The following GPX5 variants were observed in gnomAD, a reference collection of about 807,000 sequenced individuals.
GPX5 encodes glutathione peroxidase 5, also known as epididymal secretory glutathione peroxidase.
A neutral mutation model predicts 23.8 loss-of-function variants in GPX5; 20 were observed. That is an observed-to-expected ratio of 0.84 (90% CI 0.59 to 1.22). The LOEUF (loss-of-function observed/expected upper bound fraction) is 1.22, where lower values mean the gene tolerates loss of function less well. GPX5 is among the 50% of genes most tolerant of loss of function. The probability of loss-of-function intolerance (pLI) is 0.00; values close to 1 mark genes in which losing one functional copy is unlikely to be tolerated. For missense variants in GPX5, 230 were observed against 266.6 expected (o/e 0.86, Z 0.96); for synonymous variants, 92 against 99.5 (o/e 0.92, Z 0.45).
At chr6:28,529,401 AT>A (rs763233671) in intron 1 of GPX5, 49 bp from the exon 2 acceptor site, 1 of 1,438,466 alleles carries the variant, frequency 7.0e-7, no homozygotes, top group Non-Finnish European at 9.5e-7. Context: ...GATTACACAG[AT>A]GCCAGGAATT....
At chr6:28,533,840 G>T in intron 4 of GPX5, 121 bp from the exon 5 acceptor site, 1 of 574,780 alleles carries the variant, frequency 1.7e-6, no homozygotes. Flanking sequence ...AGTTTTTTAG[G>T]AATATCAGGA....
intron 4 of GPX5, among the ~76,000 whole-genome samples, chr6:28,533,046 C>T (rs868068900): frequency 7.2e-5 from 11 of 152,038 alleles, no homozygotes; most frequent in African/African-American, 1.4e-4. Context: ...GCTTGAGCTC[C>T]GGAGCTGGAG....
intron 4 of GPX5, among the ~76,000 whole-genome samples, chr6:28,532,622 G>C (rs1763349800): frequency 6.6e-6 from 1 of 152,114 alleles, no homozygotes; most frequent in Admixed American, 6.5e-5. Flanking sequence ...AACTCTGTGT[G>C]GTGAAGAAAG....
chr6:28,527,344 A>G (rs1022146143), intron 1 of GPX5, among the ~76,000 whole-genome samples: 3 of 152,248 alleles, frequency 2.0e-5, no homozygotes, highest in African/African-American at 7.2e-5. Context: ...TATTCTCTTT[A>G]TAGATCCCTC....
chr6:28,527,953 T>C (rs989178693), intron 1 of GPX5: 9 of 152,238 alleles, frequency 5.9e-5, no homozygotes, highest in African/African-American at 2.2e-4. Context: ...GGCTAATTTA[T>C]ATTAAGTGGA....
chr6:28,526,064 C>G lies in GPX5; in HGVS notation c.51C>G (p.Cys17Trp). Residue 17 changes from cysteine (C) to tryptophan (W), a missense_variant, in exon 1 of 5, where the codon TGC becomes TGG. Transcript: ENST00000412168. ...ATCTGCTTCCCCTTCTCCTAGCCTG[C>G]TTTGTGCAAACAAGTCCCAAGCAGG... ...VVHLLPLLLA[C>W]FVQTSPKQEK... 2 of 1,613,062 alleles carry G rather than the reference C, an allele frequency of 1.2e-6. No homozygotes were observed. Among genetic ancestry groups the G allele is most frequent in the Non-Finnish European group, 1.7e-6 (2 of 1,179,962 alleles).
At chr6:28,531,167 A>C (rs1763303869) in intron 2 of GPX5, among the ~76,000 whole-genome samples, 1 of 140,766 alleles carries the variant, frequency 7.1e-6, no homozygotes, top group Admixed American at 7.0e-5. Context: ...AGAGGAGAGA[A>C]GCTCAGTCCT....
chr6:28,532,025 T>G, intron 3 of GPX5, 130 bp downstream of exon 3: 2 of 762,378 alleles, frequency 2.6e-6, no homozygotes, highest in East Asian at 2.4e-5. Context: ...AAGCAGAGTT[T>G]AACTTTGGCC....
At chr6:28,530,562 C>A (rs1390841893) in intron 2 of GPX5, among the ~76,000 whole-genome samples, 1 of 152,142 alleles carries the variant, frequency 6.6e-6, no homozygotes, top group Non-Finnish European at 1.5e-5. Context: ...TTCTGCTCCC[C>A]CCTCCCCAGC....
chr6:28,533,902 G>T (rs1763373144), intron 4 of GPX5, 59 bp from the exon 5 acceptor site: 3 of 1,167,582 alleles, frequency 2.6e-6, no homozygotes, highest in Non-Finnish European at 3.6e-6. Flanking sequence ...GGTAAAAATA[G>T]CCTGGATCAT....
chr6:28,525,912 G>A lies in GPX5; in HGVS notation c.-102G>A. ...CGGGAATCCTTGCAGCCCTGTGACT[G>A]GCCTGTGGGGGCTTGGGCTAAGTCC... On this transcript the variant is annotated 5_prime_UTR_variant, in exon 1 of 5. It introduces an in-frame stop codon into an upstream open reading frame of the 5' UTR. Coordinates refer to ENST00000412168, the MANE Select transcript of GPX5 (RefSeq NM_001509.3). The A allele has an allele frequency of 2.4e-6, 2 of 828,118 alleles. No homozygotes were observed. Among genetic ancestry groups the A allele is most frequent in the Non-Finnish European group, 4.2e-6 (2 of 481,288 alleles). 51.3% of individuals were successfully genotyped at this position (828,118 alleles called of 1,614,324 possible). A position where few individuals can be genotyped will look rare whatever the true frequency, so the allele number is the denominator to read the frequency against.
intron 1 of GPX5, among the ~76,000 whole-genome samples, chr6:28,528,857 A>G (rs1342465658): frequency 3.0e-4 from 17 of 57,360 alleles, no homozygotes; most frequent in African/African-American, 1.7e-3. Flanking sequence ...ATATATATAT[A>G]TATATATATA....
chr6:28,527,371 G>A (rs893961372), intron 1 of GPX5, among the ~76,000 whole-genome samples: 2 of 152,190 alleles, frequency 1.3e-5, no homozygotes, highest in African/African-American at 4.8e-5. Context: ...GCTGGTGCAT[G>A]TATATATGTA....
chr6:28,531,820 T>A lies in GPX5; in HGVS notation c.284T>A (p.Val95Asp), dbSNP rs757888723. The A allele has an allele frequency of 6.2e-7, 1 of 1,613,620 alleles. No individual in the cohort carries two copies. Among genetic ancestry groups the A allele is most frequent in the Non-Finnish European group, 8.5e-7 (1 of 1,179,804 alleles). The part of the protein sequence containing the change: ...LQEELKPYGL[V>D]VLGFPCNQFG... ...GAGGAGCTGAAGCCCTATGGTCTAG[T>A]TGTGTTGGGCTTTCCCTGCAACCAA... The change falls in exon 3 of 5, where the codon GTT becomes GAT. Residue 95 changes from valine (V) to aspartate (D), a missense_variant. By Grantham distance (152) the Val-to-Asp change is radical (BLOSUM62 -3). Coordinates refer to ENST00000412168, the MANE Select transcript of GPX5 (RefSeq NM_001509.3).
chr6:28,526,163 C>T (rs1026051703), intron 1 of GPX5, 63 bp downstream of exon 1: 4 of 1,219,780 alleles, frequency 3.3e-6, no homozygotes, highest in Admixed American at 1.7e-5. Flanking sequence ...ACCCTGCCCT[C>T]CACTCCTTCT....
chr6:28,529,397 A>C (rs1763269329), intron 1 of GPX5, 54 bp from the exon 2 acceptor site: 2 of 1,410,722 alleles, frequency 1.4e-6, no homozygotes. Flanking sequence ...GAAAGATTAC[A>C]CAGATGCCAG....
intron 1 of GPX5, among the ~76,000 whole-genome samples, chr6:28,526,848 T>C (rs2113627028): frequency 6.6e-6 from 1 of 152,344 alleles, no homozygotes; most frequent in South Asian, 2.1e-4. Context: ...GTTATCTCAT[T>C]GTAAATTTAT....
chr6:28,534,225 C>A lies in GPX5; in HGVS notation c.*58C>A. 2 of 1,270,484 alleles carry A rather than the reference C, an allele frequency of 1.6e-6. No homozygotes were observed. Among genetic ancestry groups the A allele is most frequent in the Admixed American group, 2.5e-5 (1 of 39,790 alleles). 78.7% of individuals were successfully genotyped at this position (1,270,484 alleles called of 1,614,324 possible). On this transcript the variant is annotated 3_prime_UTR_variant, in exon 5 of 5. Coordinates refer to ENST00000412168, the MANE Select transcript of GPX5 (RefSeq NM_001509.3). Reference sequence around the variant, plus strand: ...TTCTCACCTAATGACTTGCTCTCCCCACCCCTCCAAAAAAAAGGAATACCC... The same window carrying A: ...TTCTCACCTAATGACTTGCTCTCCCAACCCCTCCAAAAAAAAGGAATACCC...
At chr6:28,532,501 GGGCTCATGCCCAGA>G in intron 4 of GPX5, 81 bp downstream of exon 4, 1 of 912,558 alleles carries the variant, frequency 1.1e-6, no homozygotes, top group Non-Finnish European at 1.7e-6. Context: ...ATGGATCCAA[GGGCTCATGCCCAGA>G]GGTGGGATTG....
Sources: allele counts gnomAD v4.1 joint callset (sites outside exome capture counted in the v4.1 genomes callset), GRCh38; gene constraint gnomAD v4.1.1; transcripts MANE v1.5; gene names NCBI Gene and HGNC (gene_info 2026-07-23, HGNC 2026-07-21).